Variants in SSTR1 observed in about 807,000 individuals in gnomAD.
The protein encoded by SSTR1 is somatostatin receptor 1.
Under a neutral mutation model 20.7 loss-of-function variants are expected in SSTR1, and 10 were observed. The observed-to-expected ratio is 0.48, with a 90% CI of 0.30 to 0.82. SSTR1 has a LOEUF of 0.82. Ranked by LOEUF, SSTR1 falls within the 40% of genes least tolerant of loss-of-function variation. SSTR1 has a pLI of 0.07. For missense variants in SSTR1, 494 were observed against 540.0 expected, an observed-to-expected ratio of 0.91 and a Z score of 0.84; for synonymous variants, 267 against 227.8, an observed-to-expected ratio of 1.17 and a Z score of -1.55.
In SSTR1 at chr14:38,210,452, G is replaced by T; in HGVS notation, c.1063G>T (p.Ala355Ser). The T allele has an allele frequency of 6.2e-7, 1 of 1,614,008 alleles. No homozygotes were observed. ...CGCGGAGGAGCCGGTTGACTATTAC[G>T]CCACCGCGCTCAAGAGCCGTGCCTA... is the stretch of plus-strand genomic sequence containing the variant. ...NAAEEPVDYYATALKSRAYSV... is the reference protein window; with the variant it reads ...NAAEEPVDYYSTALKSRAYSV... The change falls in exon 3 of 3, where the codon GCC (alanine) becomes TCC (serine). Residue 355 changes from alanine (A) to serine (S), a missense_variant. This residue lies in a region of SSTR1 where 280 missense variants were observed against 286.1 expected (regional missense o/e 0.98). Coordinates refer to ENST00000267377, the MANE Select transcript of SSTR1 (RefSeq NM_001049.3).
chr14:38,209,212 G>T lies in SSTR1; in HGVS notation c.-178G>T. ...GCAGAGCCCAGGCAACCGCTGGGCT[G>T]TGCGCCCCGCCGGCGCCGGTAGGAG... is the stretch of plus-strand genomic sequence containing the variant. On this transcript the variant is annotated 5_prime_UTR_variant, in exon 3 of 3. Transcript: ENST00000267377. The T allele has an allele frequency of 1.4e-6, 1 of 728,312 alleles. No individual in the cohort carries two copies. The allele number at this position is 728,312 out of a possible 1,614,324, so 45.1% of individuals were successfully genotyped here.
At position 38,209,831 on chromosome 14, in the gene SSTR1, C is replaced by T. The variant is rs778749345; in HGVS notation, c.442C>T (p.Leu148=). The T allele has an allele frequency of 1.2e-5, 19 of 1,613,792 alleles. No homozygotes were observed. In the South Asian group the frequency reaches 2.0e-4, roughly 17 times the overall value. Residue 148 remains leucine, a synonymous_variant, in exon 3 of 3, where the codon CTG becomes TTG. Coordinates refer to ENST00000267377, the MANE Select transcript of SSTR1 (RefSeq NM_001049.3). ...CAACATGTTCACCAGCATCTACTGT[C>T]TGACTGTGCTCAGCGTGGACCGCTA... ...AVNMFTSIYC[L]TVLSVDRYVA...
At position 38,210,310 on chromosome 14, in the gene SSTR1, G is replaced by C. The variant is rs1167696147; in HGVS notation, c.921G>C (p.Leu307=). The C allele has an allele frequency of 1.2e-6, 2 of 1,614,260 alleles. No homozygotes were observed. The highest frequency in any genetic ancestry group is 2.2e-5 in the East Asian group (1 of 44,878). The change falls in exon 3 of 3, where the codon CTG becomes CTC. Residue 307 remains leucine (L), a synonymous_variant. Transcript: ENST00000267377. The part of the protein sequence containing the change: ...AEQDDATVSQ[L]SVILGYANSC... ...AGGACGACGCCACGGTGAGTCAGCT[G>C]TCGGTCATCCTCGGCTATGCCAACA...
rs1883356083 is a variant in SSTR1 at position 38,212,877 on chromosome 14, T to C, written c.*2312T>C. The C allele has an allele frequency of 6.0e-6, 1 of 167,068 alleles. No individual in the cohort carries two copies. The highest frequency in any genetic ancestry group is 6.5e-5 in the Admixed American group (1 of 15,278). 10.3% of individuals were successfully genotyped at this position (167,068 alleles called of 1,614,324 possible). On this transcript the variant is annotated 3_prime_UTR_variant, in exon 3 of 3. Transcript: ENST00000267377. ...ATGCTTTGGGTCATAAATCAGAAAG[T>C]TTAGATCTGTCCCTTAATAAAAATA...
At position 38,210,643 on chromosome 14, in the gene SSTR1, G is replaced by T; in HGVS notation, c.*78G>T. On this transcript the variant is annotated 3_prime_UTR_variant, in exon 3 of 3. Coordinates refer to ENST00000267377, the MANE Select transcript of SSTR1 (RefSeq NM_001049.3). ...AAAGAGGGGGAGAATGAGAAGGGAAGGCCGGGTGCGAAAGGGACGGTATCC... is the reference window on the plus strand; with the variant it reads ...AAAGAGGGGGAGAATGAGAAGGGAATGCCGGGTGCGAAAGGGACGGTATCC... 7.2e-7 allele frequency: 1 copy of T among 1,395,288 alleles called. No individual in the cohort carries two copies. Among genetic ancestry groups the T allele is most frequent in the Non-Finnish European group, 9.4e-7 (1 of 1,063,458 alleles). The allele number at this position is 1,395,288 out of a possible 1,614,324, so 86.4% of individuals were successfully genotyped here.
In SSTR1 at chr14:38,210,772, G is replaced by C. The variant is rs2139298179; in HGVS notation, c.*207G>C. ...CGACAATGGTAGAAGTGAGAGCTTT[G>C]CTTATAAACTGGGAAGGCTTTCAGG... On this transcript the variant is annotated 3_prime_UTR_variant, in exon 3 of 3. Transcript: ENST00000267377. 1 of 1,287,756 alleles carries C rather than the reference G, an allele frequency of 7.8e-7. No individual in the cohort carries two copies. The highest frequency in any genetic ancestry group is 1.0e-6 in the Non-Finnish European group (1 of 970,260). 79.8% of individuals were successfully genotyped at this position (1,287,756 alleles called of 1,614,324 possible).
chr14:38,209,295 A>C lies in SSTR1; in HGVS notation c.-95A>C. On this transcript the variant is annotated 5_prime_UTR_variant, in exon 3 of 3. Transcript: ENST00000267377. ...GAGGCGCTGGGCGGCTGTGGGCTGC[A>C]GGCAAGCGGTCGGGTGGGGAGGGAG... The C allele has an allele frequency of 7.4e-7, 1 of 1,353,476 alleles. No individual in the cohort carries two copies. Among genetic ancestry groups the C allele is most frequent in the South Asian group, 1.8e-5 (1 of 56,332 alleles). The allele number at this position is 1,353,476 out of a possible 1,614,324, so 83.8% of individuals were successfully genotyped here. A position where few individuals can be genotyped will look rare whatever the true frequency, so the allele number is the denominator to read the frequency against.
At position 38,210,874 on chromosome 14, in the gene SSTR1, C is replaced by T; in HGVS notation, c.*309C>T. On this transcript the variant is annotated 3_prime_UTR_variant, in exon 3 of 3. Transcript: ENST00000267377. ...TCCTCTGACCCTCCTTCTATTTTCC[C>T]TACCCTGCAACTTCTATCCTTTCTT... is the stretch of plus-strand genomic sequence containing the variant. 2 of 423,584 alleles carry T rather than the reference C, an allele frequency of 4.7e-6. No homozygotes were observed. Among genetic ancestry groups the T allele is most frequent in the Non-Finnish European group, 8.3e-6 (2 of 240,320 alleles). 26.2% of individuals were successfully genotyped at this position (423,584 alleles called of 1,614,324 possible). A position where few individuals can be genotyped will look rare whatever the true frequency, so the allele number is the denominator to read the frequency against.
chr14:38,213,009 TCTTAA>T lies in SSTR1; in HGVS notation c.*2448_*2452del, dbSNP rs962038640. ...TTCTAAGAGGATACAAATTTAGTGC[TCTTAA>T]CTTGTTACCATTGTAATATTAACTA... On this transcript the variant is annotated 3_prime_UTR_variant, in exon 3 of 3. Coordinates refer to ENST00000267377, the MANE Select transcript of SSTR1 (RefSeq NM_001049.3). 3.6e-5 allele frequency: 6 copies of T among 167,040 alleles called. No homozygotes were observed. The highest frequency in any genetic ancestry group is 4.1e-4 in the South Asian group (2 of 4,828). The allele number at this position is 167,040 out of a possible 1,614,324, so 10.3% of individuals were successfully genotyped here.
Position 38,209,441 on chromosome 14 carries a change from C to A in SSTR1, c.52C>A (p.Pro18Thr). 1.3e-6 allele frequency: 2 copies of A among 1,550,834 alleles called. No homozygotes were observed. The highest frequency in any genetic ancestry group is 1.7e-6 in the Non-Finnish European group (2 of 1,149,754). ...SSPSSSPSPS[P>T]GSCGEGGGSR... ...TCCTTCCTCCTCTCCTAGCCCCAGC[C>A]CGGGCAGCTGCGGCGAAGGCGGCGG... The change falls in exon 3 of 3, where the codon CCG becomes ACG. Residue 18 changes from proline to threonine, a missense_variant. Transcript: ENST00000267377.
Position 38,209,317 on chromosome 14 carries a change from G to T in SSTR1, c.-73G>T. ...TGCAGGCAAGCGGTCGGGTGGGGAG[G>T]GAGGGCGCAGGCGGCGGGTGCGCGA... is the stretch of plus-strand genomic sequence containing the variant. On this transcript the variant is annotated 5_prime_UTR_variant, in exon 3 of 3. It introduces an in-frame stop codon into an upstream open reading frame of the 5' UTR. Transcript: ENST00000267377. The T allele has an allele frequency of 7.1e-7, 1 of 1,414,828 alleles. No individual in the cohort carries two copies. The highest frequency in any genetic ancestry group is 9.2e-7 in the Non-Finnish European group (1 of 1,086,360). 87.6% of individuals were successfully genotyped at this position (1,414,828 alleles called of 1,614,324 possible).
Position 38,209,853 on chromosome 14 carries a change from G to T in SSTR1, c.464G>T (p.Arg155Leu). Residue 155 changes from arginine to leucine, a missense_variant, in exon 3 of 3, where the codon CGC becomes CTC. Arg to Leu is a moderately radical substitution (Grantham distance 102). Around this residue, in one of 3 missense-constraint regions of SSTR1, gnomAD observed 116 missense variants for 174.6 expected, o/e 0.66. Coordinates refer to ENST00000267377, the MANE Select transcript of SSTR1 (RefSeq NM_001049.3). ...TGTCTGACTGTGCTCAGCGTGGACC[G>T]CTACGTGGCCGTGGTGCATCCCATC... Reference protein sequence around the residue: ...IYCLTVLSVDRYVAVVHPIKA... With the variant: ...IYCLTVLSVDLYVAVVHPIKA... 6.2e-7 allele frequency: 1 copy of T among 1,613,788 alleles called. No individual in the cohort carries two copies. The highest frequency in any genetic ancestry group is 8.5e-7 in the Non-Finnish European group (1 of 1,180,040).
Position 38,210,086 on chromosome 14 carries a change from C to G in SSTR1, c.697C>G (p.Leu233Val). The G allele has an allele frequency of 6.2e-7, 1 of 1,614,244 alleles. No homozygotes were observed. The highest frequency in any genetic ancestry group is 2.2e-5 in the East Asian group (1 of 44,870). Residue 233 changes from leucine (L) to valine (V), a missense_variant, in exon 3 of 3, where the codon CTG becomes GTG. Leu to Val is a conservative substitution (Grantham distance 32, BLOSUM62 1). Transcript: ENST00000267377. ...GTTGTACACATTTCTCATGGGCTTCCTGCTGCCCGTGGGGGCTATCTGCCT... is the reference window on the plus strand; with the variant it reads ...GTTGTACACATTTCTCATGGGCTTCGTGCTGCCCGTGGGGGCTATCTGCCT... ...FVLYTFLMGF[L>V]LPVGAICLCY...
chr14:38,208,765 C>T (rs1368488308), intron 2 of SSTR1, among the ~76,000 whole-genome samples, 156 bp downstream of exon 2: 1 of 152,192 alleles, frequency 6.6e-6, no homozygotes, highest in Non-Finnish European at 1.5e-5. Flanking sequence ...GAACTCCAGA[C>T]ATCCATGTTC....
rs775030042 is a variant in SSTR1 at position 38,209,896 on chromosome 14, C to T, written c.507C>T (p.Arg169=). 8 of 1,613,884 alleles carry T rather than the reference C, an allele frequency of 5.0e-6. No individual in the cohort carries two copies. Among genetic ancestry groups the T allele is most frequent in the South Asian group, 1.1e-5 (1 of 91,086 alleles). ...ATCCCATCAAGGCGGCCCGCTACCG[C>T]CGGCCCACCGTGGCCAAGGTAGTAA... ...VVHPIKAARY[R]RPTVAKVVNL... Residue 169 remains arginine, a synonymous_variant, in exon 3 of 3, where the codon CGC becomes CGT. Coordinates refer to ENST00000267377, the MANE Select transcript of SSTR1 (RefSeq NM_001049.3).
Position 38,210,438 on chromosome 14 carries a change from C to G in SSTR1, c.1049C>G (p.Pro350Arg). 6.2e-7 allele frequency: 1 copy of G among 1,614,150 alleles called. No individual in the cohort carries two copies. The highest frequency in any genetic ancestry group is 1.1e-5 in the South Asian group (1 of 91,088). The change falls in exon 3 of 3, where the codon CCG becomes CGG. Residue 350 changes from proline to arginine, a missense_variant. Physicochemically the swap from Pro to Arg is moderately radical, Grantham distance 103. This residue lies in a region of SSTR1 where 280 missense variants were observed against 286.1 expected (regional missense o/e 0.98). Transcript: ENST00000267377. ...TGGATGGACAACGCCGCGGAGGAGC[C>G]GGTTGACTATTACGCCACCGCGCTC... ...LSWMDNAAEE[P>R]VDYYATALKS...
rs1412962344 is a variant in SSTR1 at position 38,209,947 on chromosome 14, G to T, written c.558G>T (p.Leu186=). Residue 186 remains leucine (L), a synonymous_variant, in exon 3 of 3, where the codon CTG becomes CTT. Transcript: ENST00000267377. ...ACCTGGGCGTGTGGGTGCTATCGCT[G>T]CTCGTCATCCTGCCCATCGTGGTCT... ...VVNLGVWVLS[L]LVILPIVVFS... 6.2e-7 allele frequency: 1 copy of T among 1,613,884 alleles called. No homozygotes were observed. Among genetic ancestry groups the T allele is most frequent in the Non-Finnish European group, 8.5e-7 (1 of 1,180,046 alleles).
chr14:38,209,481 G>A lies in SSTR1; in HGVS notation c.92G>A (p.Gly31Glu). 11 of 1,567,668 alleles carry A rather than the reference G, an allele frequency of 7.0e-6. No homozygotes were observed. Among genetic ancestry groups the A allele is most frequent in the Non-Finnish European group, 9.5e-6 (11 of 1,156,636 alleles). Residue 31 changes from glycine (G) to glutamate (E), a missense_variant, in exon 3 of 3, where the codon GGG (glycine) becomes GAG (glutamate). Around this residue, in one of 3 missense-constraint regions of SSTR1, gnomAD observed 98 missense variants for 79.3 expected, o/e 1.24. Coordinates refer to ENST00000267377, the MANE Select transcript of SSTR1 (RefSeq NM_001049.3). ...CGEGGGSRGP[G>E]AGAADGMEEP... The stretch of plus-strand genomic sequence containing the variant: ...GAAGGCGGCGGCAGCAGGGGCCCCG[G>A]GGCCGGCGCTGCGGACGGCATGGAG...
Position 38,213,007 on chromosome 14 carries a change from G to C in SSTR1, c.*2442G>C, listed in dbSNP as rs1281765082. The C allele has an allele frequency of 6.0e-6, 1 of 166,916 alleles. No individual in the cohort carries two copies. Among genetic ancestry groups the C allele is most frequent in the Non-Finnish European group, 1.5e-5 (1 of 68,090 alleles). The allele number at this position is 166,916 out of a possible 1,614,324, so 10.3% of individuals were successfully genotyped here. On this transcript the variant is annotated 3_prime_UTR_variant, in exon 3 of 3. Coordinates refer to ENST00000267377, the MANE Select transcript of SSTR1 (RefSeq NM_001049.3). The stretch of plus-strand genomic sequence containing the variant: ...CCTTCTAAGAGGATACAAATTTAGT[G>C]CTCTTAACTTGTTACCATTGTAATA...
Sources: gnomAD v4.1 joint callset for allele counts (sites outside exome capture counted in the v4.1 genomes callset) on GRCh38, gnomAD v4.1.1 for gene constraint, gnomAD v4.1.1 regional missense constraint, MANE v1.5 for transcripts, NCBI Gene and HGNC (gene_info 2026-07-23, HGNC 2026-07-21) for gene names.